SYT13: variants seen among roughly 807,000 people sequenced by gnomAD.
SYT13 encodes synaptotagmin 13.
A neutral mutation model predicts 38.6 loss-of-function variants in SYT13; 21 were observed. The observed-to-expected ratio is 0.54, with a 90% CI of 0.39 to 0.78. The LOEUF is 0.78. SYT13 is among the 30% of genes least tolerant of loss of function. The pLI is 0.00. For synonymous variants in SYT13, 241 were observed against 237.6 expected (o/e 1.01, Z -0.13); for missense variants, 495 against 548.7 (o/e 0.90, Z 0.98).
chr11:45,245,590 C>T (rs779097067), intron 5 of SYT13, among the ~76,000 whole-genome samples: 8 of 152,304 alleles, frequency 5.3e-5, no homozygotes, highest in Non-Finnish European at 7.4e-5. Flanking sequence ...TAAATAGAGA[C>T]TTATTTATAT....
At chr11:45,246,568 C>A (rs1250425085) in intron 4 of SYT13, 56 bp from the exon 5 acceptor site, 1 of 1,587,910 alleles carries the variant, frequency 6.3e-7, no homozygotes, top group African/African-American at 1.3e-5. Context: ...GCCTTCCAAC[C>A]CATCAACAAA....
chr11:45,272,007 T>C (rs1590527343), intron 1 of SYT13, among the ~76,000 whole-genome samples: 1 of 152,188 alleles, frequency 6.6e-6, no homozygotes, highest in African/African-American at 2.4e-5. Flanking sequence ...TGGAATACTA[T>C]GCAGCCATAA....
At chr11:45,251,907 G>A (rs942654726) in intron 4 of SYT13, among the ~76,000 whole-genome samples, 2 of 152,214 alleles carry the variant, frequency 1.3e-5, no homozygotes, top group South Asian at 2.1e-4. Context: ...CTTTATCAGA[G>A]CACATTGGTT....
rs149113991 is a variant in SYT13, at chr11:45,240,304, C to T, written c.*3748G>A. The T allele has an allele frequency of 7.2e-5, 11 of 152,760 alleles. No individual in the cohort carries two copies. In the East Asian group the frequency reaches 1.9e-3, roughly 27 times the overall value. 9.5% of individuals were successfully genotyped at this position (152,760 alleles called of 1,614,324 possible). ...AAAAGAAAACACCAGGCAGCTGACC[C>T]TGTTGGAAATTTTTTATTTACCACT... On this transcript the variant is annotated 3_prime_UTR_variant, in exon 6 of 6. Coordinates refer to ENST00000020926, the MANE Select transcript of SYT13 (RefSeq NM_020826.3).
intron 1 of SYT13, chr11:45,269,361 CA>C (rs1367840300): frequency 2.2e-6 from 2 of 907,356 alleles, no homozygotes; most frequent in East Asian, 1.1e-4. Context: ...AACAAACAAA[CA>C]AAAAACTCCG....
chr11:45,278,414 T>A (rs1184539273), intron 1 of SYT13, among the ~76,000 whole-genome samples: 2 of 152,132 alleles, frequency 1.3e-5, no homozygotes, highest in South Asian at 2.1e-4. Flanking sequence ...GTCTTATTTT[T>A]TCTCCTCTTT....
chr11:45,272,316 G>A (rs1325148596), intron 1 of SYT13, among the ~76,000 whole-genome samples: 9 of 152,116 alleles, frequency 5.9e-5, no homozygotes, highest in East Asian at 1.9e-4. Flanking sequence ...CATGTCCTGC[G>A]CATGTATCCC....
At chr11:45,277,687 C>A (rs561253259) in intron 1 of SYT13, among the ~76,000 whole-genome samples, 3 of 152,298 alleles carry the variant, frequency 2.0e-5, no homozygotes, top group African/African-American at 7.2e-5. Context: ...GTGGAGCCCC[C>A]AACATCCTTC....
chr11:45,277,509 G>A (rs1019220243), intron 1 of SYT13, among the ~76,000 whole-genome samples: 12 of 152,272 alleles, frequency 7.9e-5, no homozygotes, highest in African/African-American at 1.9e-4. Context: ...ATCTGTCTAT[G>A]GTCTACAATG....
chr11:45,264,146 C>A (rs1854853550), intron 1 of SYT13, among the ~76,000 whole-genome samples: 1 of 152,130 alleles, frequency 6.6e-6, no homozygotes, highest in African/African-American at 2.4e-5. Flanking sequence ...CTAAACTAAG[C>A]TAAACTGGAT....
chr11:45,257,450 C>T (rs1256931823), intron 1 of SYT13, among the ~76,000 whole-genome samples: 1 of 152,190 alleles, frequency 6.6e-6, no homozygotes, highest in South Asian at 2.1e-4. Context: ...TGCTAGCCCT[C>T]CTGGCCCTCC....
intron 4 of SYT13, among the ~76,000 whole-genome samples, chr11:45,250,342 T>C (rs994021487): frequency 1.3e-5 from 2 of 152,246 alleles, no homozygotes; most frequent in Admixed American, 6.5e-5. Flanking sequence ...TTACTGTTGC[T>C]ATGTCCCCAG....
intron 1 of SYT13, among the ~76,000 whole-genome samples, chr11:45,264,502 G>C (rs1244808743): frequency 6.6e-6 from 1 of 152,170 alleles, no homozygotes; most frequent in Non-Finnish European, 1.5e-5. Flanking sequence ...GGCACCGCAG[G>C]AAGAACTGAA....
At chr11:45,260,160 G>A (rs528109748) in intron 1 of SYT13, among the ~76,000 whole-genome samples, 1 of 152,278 alleles carries the variant, frequency 6.6e-6, no homozygotes, top group South Asian at 2.1e-4. Context: ...CTCATTTGCT[G>A]TTTATTCTTA....
intron 1 of SYT13, among the ~76,000 whole-genome samples, chr11:45,257,385 G>A (rs1371219788): frequency 6.6e-6 from 1 of 152,104 alleles, no homozygotes; most frequent in Admixed American, 6.5e-5. Flanking sequence ...TAAGACAGGC[G>A]GATCTGAAGA....
At chr11:45,249,392 A>G (rs936433388) in intron 4 of SYT13, among the ~76,000 whole-genome samples, 4 of 152,238 alleles carry the variant, frequency 2.6e-5, no homozygotes, top group Admixed American at 6.5e-5. Flanking sequence ...CAGCCATCCC[A>G]TTACTGGGTA....
intron 1 of SYT13, among the ~76,000 whole-genome samples, chr11:45,259,156 T>C (rs1854786225): frequency 6.6e-6 from 1 of 152,126 alleles, no homozygotes. Context: ...GCCCACCCAC[T>C]GCCACTCCCT....
intron 1 of SYT13, among the ~76,000 whole-genome samples, chr11:45,281,889 G>A (rs1211895051): frequency 6.6e-6 from 1 of 152,210 alleles, no homozygotes; most frequent in African/African-American, 2.4e-5. Flanking sequence ...GGAGGCGGGT[G>A]CCTGCCAAAT....
chr11:45,242,945 G>T lies in SYT13; in HGVS notation c.*1107C>A, dbSNP rs1013479639. ...GACAGAGGGAGGCACAGTTGCAAAA[G>T]ACCTGATTTCCTTTTTAAAATTATC... On this transcript the variant is annotated 3_prime_UTR_variant, in exon 6 of 6. Transcript: ENST00000020926. The T allele has an allele frequency of 3.0e-4, 46 of 152,332 alleles. No homozygotes were observed. Among genetic ancestry groups the T allele is most frequent in the African/African-American group, 1.0e-3 (42 of 41,580 alleles). 9.4% of individuals were successfully genotyped at this position (152,332 alleles called of 1,614,324 possible).
Sources: gnomAD v4.1 joint callset for allele counts (sites outside exome capture counted in the v4.1 genomes callset) on GRCh38, gnomAD v4.1.1 for gene constraint, MANE v1.5 for transcripts, NCBI Gene and HGNC (gene_info 2026-07-23, HGNC 2026-07-21) for gene names.